The following CSMD1 variants were observed in gnomAD, a reference collection of about 807,000 sequenced individuals.
The protein encoded by CSMD1 is CUB and Sushi multiple domains 1.
A neutral mutation model predicts 417.5 loss-of-function variants in CSMD1; 213 were observed. The observed-to-expected ratio is 0.51, with a 90% confidence interval of 0.46 to 0.57. The LOEUF is 0.57. Ranked by LOEUF, CSMD1 falls within the 20% of genes least tolerant of loss-of-function variation. The pLI, the probability that CSMD1 is intolerant of heterozygous loss-of-function variation, is 0.00. For missense variants in CSMD1, 6,923 were observed against 4,529.7 expected (o/e 1.53, Z -15.17); for synonymous variants, 2,862 against 1,736.8 (o/e 1.65, Z -16.11).
chr8:3,894,253 T>G (rs1013727506), intron 5 of CSMD1, among the ~76,000 whole-genome samples: 1 of 152,124 alleles, frequency 6.6e-6, no homozygotes, highest in Non-Finnish European at 1.5e-5. Flanking sequence ...ACATCTGCAG[T>G]CCCATCTCCA....
chr8:4,722,712 G>C (rs777733974), intron 1 of CSMD1, among the ~76,000 whole-genome samples: 1 of 152,228 alleles, frequency 6.6e-6, no homozygotes, highest in East Asian at 1.9e-4. Context: ...TATGATGTCA[G>C]CTGATTTTTA....
intron 4 of CSMD1, among the ~76,000 whole-genome samples, chr8:4,022,073 G>A (rs1183574208): frequency 1.4e-5 from 2 of 142,996 alleles, no homozygotes; most frequent in South Asian, 5.0e-4. Context: ...GAATACATAT[G>A]GGAGCATGTA....
intron 10 of CSMD1, among the ~76,000 whole-genome samples, chr8:3,529,116 C>T (rs970424194): frequency 6.6e-6 from 1 of 152,170 alleles, no homozygotes; most frequent in Non-Finnish European, 1.5e-5. Context: ...GTGAACTAAT[C>T]ATTATTTCAT....
intron 6 of CSMD1, among the ~76,000 whole-genome samples, chr8:3,723,200 C>G (rs528835541): frequency 6.6e-6 from 1 of 152,166 alleles, no homozygotes; most frequent in Non-Finnish European, 1.5e-5. Flanking sequence ...CTCAGGGAAG[C>G]TTGTGGCCAT....
intron 3 of CSMD1, among the ~76,000 whole-genome samples, chr8:4,168,006 G>C (rs1354638265): frequency 1.3e-5 from 2 of 151,970 alleles, no homozygotes; most frequent in Non-Finnish European, 2.9e-5. Context: ...GCAGACTCCT[G>C]TAATCCCAGC....
At chr8:3,713,200 G>C (rs759808665) in intron 6 of CSMD1, among the ~76,000 whole-genome samples, 3 of 152,082 alleles carry the variant, frequency 2.0e-5, no homozygotes, top group Non-Finnish European at 2.9e-5. Flanking sequence ...CATTAATTTT[G>C]TTGTGTCATT....
Position 4,026,100 on chromosome 8 carries a change from C to T in CSMD1, c.610+5805G>A, listed in dbSNP as rs148428950. Among the ~76,000 whole-genome samples, 1,002 of 151,864 alleles carry T rather than the reference C, an allele frequency of 6.6e-3. 24 individuals carry two copies. Among genetic ancestry groups the T allele is most frequent in the Admixed American group, 0.046 (694 of 15,246 alleles). ...AAGCAGAATATATACTCATTTCATT[C>T]GTGTGAATTATCTCAGTCCATATGG... On this transcript the variant is annotated intron_variant, in intron 4 of 69. Transcript: ENST00000635120.
chr8:4,385,108 G>T (rs1000094320), intron 3 of CSMD1, among the ~76,000 whole-genome samples: 3 of 152,058 alleles, frequency 2.0e-5, no homozygotes, highest in African/African-American at 4.8e-5. Flanking sequence ...TGTATTTTTA[G>T]AAGAGACGGT....
chr8:3,823,702 T>G (rs545707741), intron 5 of CSMD1, among the ~76,000 whole-genome samples: 1 of 152,276 alleles, frequency 6.6e-6, no homozygotes, highest in East Asian at 1.9e-4. Context: ...TTGAACCATT[T>G]AACTTACGCT....
In CSMD1 at chr8:3,419,928, GTGTGACTTCC is replaced by G. The variant is rs1813382927; in HGVS notation, c.1562-10333_1562-10324del. ...GGAATCTCAGCAACATCAATTATCTGTGTGACTTCCTGTGAGTTGCTAGAAGTACCTGTTT... is the reference window on the plus strand; with the variant it reads ...GGAATCTCAGCAACATCAATTATCTGTGTGAGTTGCTAGAAGTACCTGTTT... On this transcript the variant is annotated intron_variant, in intron 12 of 69. Transcript: ENST00000635120. 4.6e-5 allele frequency among the ~76,000 whole-genome samples: 7 copies of G among 151,752 alleles called. No homozygotes were observed. In the South Asian group the frequency reaches 1.5e-3, roughly 31 times the overall value.
intron 2 of CSMD1, among the ~76,000 whole-genome samples, chr8:4,615,959 TC>T (rs1252975188): frequency 6.6e-6 from 1 of 152,192 alleles, no homozygotes; most frequent in Admixed American, 6.6e-5. Context: ...CTAGCCAGAA[TC>T]TTTTTCAAAT....
At chr8:3,461,771 G>A (rs1015811200) in intron 12 of CSMD1, among the ~76,000 whole-genome samples, 2 of 152,342 alleles carry the variant, frequency 1.3e-5, no homozygotes. Flanking sequence ...TGAGTGGGAC[G>A]ATTTATCCAT....
chr8:3,973,684 C>A (rs897242756), intron 5 of CSMD1, among the ~76,000 whole-genome samples: 12 of 152,166 alleles, frequency 7.9e-5, no homozygotes, highest in Admixed American at 7.2e-4. Context: ...GTACTGGCAA[C>A]AGAGGTGTGA....
At chr8:3,616,220 G>A (rs1396040014) in intron 8 of CSMD1, among the ~76,000 whole-genome samples, 1 of 152,114 alleles carries the variant, frequency 6.6e-6, no homozygotes, top group Non-Finnish European at 1.5e-5. Flanking sequence ...GTCATGGGAG[G>A]GACCGGTGAG....
chr8:4,021,420 G>C (rs558581153), intron 4 of CSMD1, among the ~76,000 whole-genome samples: 25 of 152,112 alleles, frequency 1.6e-4, no homozygotes, highest in Non-Finnish European at 2.9e-4. Flanking sequence ...GTTATATGTT[G>C]AGTGGACAGC....
intron 3 of CSMD1, among the ~76,000 whole-genome samples, chr8:4,403,988 G>C (rs1245079438): frequency 2.0e-5 from 3 of 152,058 alleles, no homozygotes; most frequent in East Asian, 1.9e-4. Flanking sequence ...TCCTTTCTCA[G>C]GTCAACCAAT....
chr8:4,341,042 ATACTC>A (rs1800448872), intron 3 of CSMD1, among the ~76,000 whole-genome samples: 1 of 152,080 alleles, frequency 6.6e-6, no homozygotes, highest in Non-Finnish European at 1.5e-5. Flanking sequence ...TTTAGAATCT[ATACTC>A]TAAATCAACG....
At chr8:3,717,353 A>T (rs562597800) in intron 6 of CSMD1, among the ~76,000 whole-genome samples, 3 of 152,342 alleles carry the variant, frequency 2.0e-5, no homozygotes, top group African/African-American at 7.2e-5. Context: ...ATCTATTAAT[A>T]TTAGTCCCAC....
intron 17 of CSMD1, among the ~76,000 whole-genome samples, chr8:3,389,769 A>C (rs1461533059): frequency 6.6e-6 from 1 of 152,230 alleles, no homozygotes; most frequent in Non-Finnish European, 1.5e-5. Context: ...CATCGAATTA[A>C]AATGTTGAAT....
Sources: gnomAD v4.1 joint callset for allele counts (sites outside exome capture counted in the v4.1 genomes callset) on GRCh38, gnomAD v4.1.1 for gene constraint, MANE v1.5 for transcripts, NCBI Gene and HGNC (gene_info 2026-07-23, HGNC 2026-07-21) for gene names.